The following PTBP3 variants were observed in gnomAD, a reference collection of about 807,000 sequenced individuals.
The protein encoded by PTBP3 is polypyrimidine tract-binding protein 3.
In PTBP3, 20 loss-of-function variants were observed where a neutral mutation model predicts 58.7. The ratio of observed to expected loss-of-function variants is 0.34; its 90% CI spans 0.24 to 0.50. PTBP3 has a LOEUF of 0.50. PTBP3 is among the 20% of genes least tolerant of loss of function. The probability of loss-of-function intolerance (pLI) is 0.98; values close to 1 mark genes in which losing one functional copy is unlikely to be tolerated. For synonymous variants in PTBP3, 185 were observed against 219.8 expected, an observed-to-expected ratio of 0.84 and a Z score of 1.40; for missense variants, 509 against 637.2, an observed-to-expected ratio of 0.80 and a Z score of 2.17.
At chr9:112,330,427 T>A in intron 1 of PTBP3, 1 of 1,493,082 alleles carries the variant, frequency 6.7e-7, no homozygotes, top group Non-Finnish European at 9.2e-7. Context: ...GAAAGGATAG[T>A]AAAAGATTCC....
chr9:112,320,314 A>ATATATATATATATTT lies in PTBP3; in HGVS notation c.-52+13155_-52+13156insAAATATATATATATA. The stretch of plus-strand genomic sequence containing the variant: ...AAAATATATATATATATATATATAT[A>ATATATATATATATTT]TTTTTTTTTAAGTGTTATCACCAGA... On this transcript the variant is annotated intron_variant, in intron 1 of 13. Coordinates refer to ENST00000374257, the MANE Select transcript of PTBP3 (RefSeq NM_001163788.4). 8.3e-3 allele frequency among the ~76,000 whole-genome samples: 628 copies of ATATATATATATATTT among 75,578 alleles called. 6 individuals are homozygous for ATATATATATATATTT. Among genetic ancestry groups the ATATATATATATATTT allele is most frequent in the Middle Eastern group, 0.047 (5 of 106 alleles). 49.6% of individuals were successfully genotyped at this position (75,578 alleles called of 152,430 possible). A position where few individuals can be genotyped will look rare whatever the true frequency, so the allele number is the denominator to read the frequency against.
At chr9:112,343,617 C>T in the PTBP3 span, among the ~76,000 whole-genome samples, 900 of 151,996 alleles carry the variant, frequency 5.9e-3, 7 homozygotes, top group African/African-American at 0.02. Context: ...TGGTGAAACC[C>T]CGTCTCTACT....
chr9:112,249,883 C>A (rs1414065392), intron 7 of PTBP3, among the ~76,000 whole-genome samples: 1 of 151,364 alleles, frequency 6.6e-6, no homozygotes, highest in African/African-American at 2.4e-5. Flanking sequence ...TGACAAAAGA[C>A]CTTTGTCACT....
the PTBP3 span, among the ~76,000 whole-genome samples, chr9:112,360,508 C>T: frequency 2.6e-5 from 4 of 152,116 alleles, no homozygotes; most frequent in African/African-American, 9.7e-5. Context: ...TCAGGTGATT[C>T]TGAGACAGGG....
intron 2 of PTBP3, among the ~76,000 whole-genome samples, chr9:112,288,044 T>TA (rs1346930069): frequency 2.6e-5 from 4 of 152,244 alleles, no homozygotes; most frequent in African/African-American, 9.6e-5. Context: ...TTTAAAGTGT[T>TA]AGACTTCATT....
At chr9:112,249,068 T>C (rs1347255135) in intron 7 of PTBP3, among the ~76,000 whole-genome samples, 1 of 151,512 alleles carries the variant, frequency 6.6e-6, no homozygotes, top group African/African-American at 2.5e-5. Flanking sequence ...ATTTTTCTAA[T>C]GCTTTAAAGT....
intron 7 of PTBP3, among the ~76,000 whole-genome samples, chr9:112,236,282 A>G (rs1260039269): frequency 6.6e-6 from 1 of 152,220 alleles, no homozygotes; most frequent in Non-Finnish European, 1.5e-5. Flanking sequence ...AACTGACAGA[A>G]TAACTGATGA....
Position 112,252,775 on chromosome 9 carries a change from A to T in PTBP3, c.530T>A (p.Phe177Tyr). The change falls in exon 6 of 14, where the codon TTT becomes TAT. Residue 177 changes from phenylalanine to tyrosine, a missense_variant. Physicochemically the swap from Phe to Tyr is conservative, Grantham distance 22. Coordinates refer to ENST00000374257, the MANE Select transcript of PTBP3 (RefSeq NM_001163788.4). ...LEVLHQIFSKFGTVLKIITFT... is the reference protein window; with the variant it reads ...LEVLHQIFSKYGTVLKIITFT... ...GGTGATAATCTTCAAGACTGTGCCA[A>T]ATTTAGAAAATATCTGGAAAACAGT... 6.3e-7 allele frequency: 1 copy of T among 1,591,936 alleles called. No individual in the cohort carries two copies. The highest frequency in any genetic ancestry group is 1.3e-5 in the African/African-American group (1 of 74,550).
the PTBP3 span, chr9:112,379,872 G>A: frequency 9.1e-6 from 5 of 546,452 alleles, no homozygotes; most frequent in Non-Finnish European, 1.3e-5. Flanking sequence ...GATTGTCACC[G>A]TACGACCAGT....
chr9:112,320,746 T>C (rs1829916465), intron 1 of PTBP3, among the ~76,000 whole-genome samples: 1 of 152,132 alleles, frequency 6.6e-6, no homozygotes, highest in Admixed American at 6.6e-5. Context: ...CACTTACGTA[T>C]GGTAAGTTGA....
intron 2 of PTBP3, among the ~76,000 whole-genome samples, chr9:112,291,319 A>G (rs1188964595): frequency 6.6e-6 from 1 of 152,162 alleles, no homozygotes; most frequent in Non-Finnish European, 1.5e-5. Context: ...CTACAGGATC[A>G]ATGCAATCCT....
chr9:112,324,243 GAA>G (rs1830064770), intron 1 of PTBP3, among the ~76,000 whole-genome samples: 1 of 152,144 alleles, frequency 6.6e-6, no homozygotes, highest in South Asian at 2.1e-4. Flanking sequence ...ATGGACCTGC[GAA>G]AAGTTTTTTA....
chr9:112,255,538 T>C (rs1039445943), intron 5 of PTBP3, among the ~76,000 whole-genome samples: 1 of 152,154 alleles, frequency 6.6e-6, no homozygotes, highest in Non-Finnish European at 1.5e-5. Flanking sequence ...CCTTCTTCAT[T>C]ACTACAGCCC....
Position 112,223,748 on chromosome 9 carries a change from A to T in PTBP3, c.*103T>A. On this transcript the variant is annotated 3_prime_UTR_variant, in exon 14 of 14. Transcript: ENST00000374257. ...ATACTTGAATATCAAACTCAGAGTT[A>T]TTTTTGTGAAAGAGGCAAAATTGGT... The T allele has an allele frequency of 6.5e-7, 1 of 1,531,914 alleles. No individual in the cohort carries two copies. The highest frequency in any genetic ancestry group is 2.3e-5 in the East Asian group (1 of 42,758). The allele number at this position is 1,531,914 out of a possible 1,614,324, so 94.9% of individuals were successfully genotyped here. A position where few individuals can be genotyped will look rare whatever the true frequency, so the allele number is the denominator to read the frequency against.
chr9:112,353,458 C>G, the PTBP3 span, among the ~76,000 whole-genome samples: 1 of 148,174 alleles, frequency 6.7e-6, no homozygotes, highest in Non-Finnish European at 1.5e-5. Context: ...GTTGGCCAGG[C>G]TTGTCTCAAA....
chr9:112,374,116 T>C, the PTBP3 span, among the ~76,000 whole-genome samples: 53 of 152,322 alleles, frequency 3.5e-4, no homozygotes, highest in South Asian at 6.6e-3. Context: ...GATGCCCTAA[T>C]GGATCTCCTG....
chr9:112,277,143 A>T (rs1827643270), intron 2 of PTBP3, among the ~76,000 whole-genome samples: 1 of 152,174 alleles, frequency 6.6e-6, no homozygotes, highest in Non-Finnish European at 1.5e-5. Flanking sequence ...CTTGTTTACA[A>T]CTAGATAGGT....
rs746887132 is a variant in PTBP3, at chr9:112,228,335, AG to A, written c.1147+44del. The A allele has an allele frequency of 7.2e-6, 10 of 1,393,028 alleles. No homozygotes were observed. In the East Asian group the frequency reaches 2.2e-4, roughly 30 times the overall value. 86.3% of individuals were successfully genotyped at this position (1,393,028 alleles called of 1,614,324 possible). On this transcript the variant is annotated intron_variant, in intron 11 of 13. Coordinates refer to ENST00000374257, the MANE Select transcript of PTBP3 (RefSeq NM_001163788.4). ...TTTTGAAGGAAAATTCACACACAAA[AG>A]GGGCAAGTTCACATTATTATTAATA...
chr9:112,293,578 C>T (rs866427072), intron 2 of PTBP3, among the ~76,000 whole-genome samples: 2 of 152,202 alleles, frequency 1.3e-5, no homozygotes, highest in Non-Finnish European at 2.9e-5. Flanking sequence ...CCTTCACCCT[C>T]GCCCCCTTGA....
Sources: gnomAD v4.1 joint callset for allele counts (sites outside exome capture counted in the v4.1 genomes callset) on GRCh38, gnomAD v4.1.1 for gene constraint, MANE v1.5 for transcripts, NCBI Gene and HGNC (gene_info 2026-07-23, HGNC 2026-07-21) for gene names.